Variants in PCDHA4 observed in about 807,000 individuals in gnomAD.
The protein encoded by PCDHA4 is protocadherin alpha 4, also known as protocadherin alpha-4.
A neutral mutation model predicts 61.4 loss-of-function variants in PCDHA4; 49 were observed. That is an observed-to-expected ratio of 0.80 (90% CI 0.63 to 1.01). The LOEUF (loss-of-function observed/expected upper bound fraction) is 1.01. Ranked by LOEUF, PCDHA4 falls within the 50% of genes least tolerant of loss-of-function variation. The pLI, the probability that PCDHA4 is intolerant of heterozygous loss-of-function variation, is 0.00. For synonymous variants in PCDHA4, 590 were observed against 550.3 expected, an observed-to-expected ratio of 1.07 and a Z score of -1.01; for missense variants, 1,254 against 1,235.8, an observed-to-expected ratio of 1.01 and a Z score of -0.22.
intron 3 of PCDHA4, among the ~76,000 whole-genome samples, chr5:141,005,814 A>T (rs947359019): frequency 6.7e-6 from 1 of 149,766 alleles, no homozygotes; most frequent in Non-Finnish European, 1.5e-5. Flanking sequence ...GGAGCCAGGT[A>T]TGGTGGCCTG....
rs377133743 is a variant in PCDHA4 at position 140,875,740 on chromosome 5, A to C, written c.2385+66168A>C. The C allele has an allele frequency of 2.1e-4, 339 of 1,614,222 alleles. No individual in the cohort carries two copies. The African/African-American group carries it at 4.0e-3, about 19-fold the overall frequency. On this transcript the variant is annotated intron_variant, in intron 1 of 3. Coordinates refer to ENST00000530339, the MANE Select transcript of PCDHA4 (RefSeq NM_018907.4). ...TGGCATTTTGTTTGTGAATTCTCGG[A>C]TCGACCGCGAGAAGCTGTGCGGGCG...
At chr5:140,848,448 T>C (rs2150410519) in intron 1 of PCDHA4, 3 of 1,511,550 alleles carry the variant, frequency 2.0e-6, no homozygotes, top group African/African-American at 1.4e-5. Flanking sequence ...TGATTTCTTC[T>C]AATTTGGAGG....
intron 1 of PCDHA4, chr5:140,857,488 C>A (rs782255025): frequency 6.3e-7 from 1 of 1,598,442 alleles, no homozygotes; most frequent in South Asian, 1.1e-5. Context: ...CTGCGTGGGA[C>A]GCGGACGCGC....
At position 140,834,723 on chromosome 5, in the gene PCDHA4, C is replaced by A. The variant is rs1187806383; in HGVS notation, c.2385+25151C>A. The A allele has an allele frequency of 3.1e-6, 5 of 1,614,158 alleles. No homozygotes were observed. The African/African-American group carries it at 6.7e-5, about 22-fold the overall frequency. On this transcript the variant is annotated intron_variant, in intron 1 of 3. Transcript: ENST00000530339. Reference sequence around the variant, plus strand: ...CCTGGAGGTGATCGTGGAAAGGCCGCTGCAGGTTTTCCATGTGGACGTGGA... The same window carrying A: ...CCTGGAGGTGATCGTGGAAAGGCCGATGCAGGTTTTCCATGTGGACGTGGA...
chr5:140,823,891 G>T, intron 1 of PCDHA4: 5 of 1,613,962 alleles, frequency 3.1e-6, no homozygotes, highest in Non-Finnish European at 4.2e-6. Context: ...CATCTGTGCG[G>T]TGTCCAGCCT....
intron 1 of PCDHA4, chr5:140,871,553 G>T (rs1390415919): frequency 6.7e-7 from 1 of 1,491,208 alleles, no homozygotes; most frequent in East Asian, 2.5e-5. Context: ...TTAAAATCCA[G>T]TTTTTTTTCA....
intron 1 of PCDHA4, chr5:140,968,562 C>G: frequency 6.2e-7 from 1 of 1,614,208 alleles, no homozygotes; most frequent in South Asian, 1.1e-5. Flanking sequence ...CGAACTGCCC[C>G]TGCTGGCTAC....
intron 1 of PCDHA4, among the ~76,000 whole-genome samples, chr5:140,937,158 C>T (rs969335051): frequency 2.6e-5 from 4 of 151,874 alleles, no homozygotes; most frequent in Non-Finnish European, 4.4e-5. Context: ...CTGCCTCAGC[C>T]TCCCGAGTAG....
intron 1 of PCDHA4, chr5:140,843,568 A>G: frequency 6.3e-7 from 1 of 1,595,946 alleles, no homozygotes; most frequent in Non-Finnish European, 8.6e-7. Context: ...GGAGCTGGTC[A>G]TACTCGCAAC....
chr5:140,825,871 A>G (rs2150141676), intron 1 of PCDHA4: 9 of 152,470 alleles, frequency 5.9e-5, no homozygotes, highest in African/African-American at 2.2e-4. Flanking sequence ...TGAGTTGTTT[A>G]CAAAGAGTTG....
Position 140,838,414 on chromosome 5 carries a change from G to A in PCDHA4, c.2385+28842G>A, listed in dbSNP as rs2150289048. 3.3e-5 allele frequency among the ~76,000 whole-genome samples: 5 copies of A among 151,096 alleles called. No homozygotes were observed. The South Asian group carries it at 6.3e-4, about 19-fold the overall frequency. On this transcript the variant is annotated intron_variant, in intron 1 of 3. Coordinates refer to ENST00000530339, the MANE Select transcript of PCDHA4 (RefSeq NM_018907.4). ...GCTGGGATTACAGGAGTGAGCCACC[G>A]CATCCGGCCTAAATTATATATTGGG...
chr5:140,842,261 A>G (rs2150332955), intron 1 of PCDHA4: 25 of 1,610,966 alleles, frequency 1.6e-5, no homozygotes, highest in Non-Finnish European at 2.1e-5. Flanking sequence ...TGAACAAGAA[A>G]ACTTATACAA....
At chr5:140,813,683 A>G (rs1231151598) in intron 1 of PCDHA4, 1 of 152,322 alleles carries the variant, frequency 6.6e-6, no homozygotes, top group South Asian at 2.1e-4. Context: ...TTTAGGCTAC[A>G]CTCAATTTAT....
chr5:140,850,309 C>T lies in PCDHA4; in HGVS notation c.2385+40737C>T, dbSNP rs2150478880. The stretch of plus-strand genomic sequence containing the variant: ...GTGGACGCCGACTCGGGCTACAACG[C>T]GTGGCTTTCATACGAGCTGCAGCCA... On this transcript the variant is annotated intron_variant, in intron 1 of 3. Coordinates refer to ENST00000530339, the MANE Select transcript of PCDHA4 (RefSeq NM_018907.4). 1.7e-5 allele frequency: 27 copies of T among 1,597,088 alleles called. 3 individuals carry two copies. Among genetic ancestry groups the T allele is most frequent in the Non-Finnish European group, 2.3e-5 (27 of 1,167,652 alleles).
At chr5:140,913,503 T>G (rs1334607884) in intron 1 of PCDHA4, among the ~76,000 whole-genome samples, 6 of 152,182 alleles carry the variant, frequency 3.9e-5, no homozygotes, top group African/African-American at 1.4e-4. Context: ...GTTTAAAACT[T>G]TGTCAATTTT....
chr5:140,834,137 A>G, intron 1 of PCDHA4: 1 of 496,492 alleles, frequency 2.0e-6, no homozygotes. Context: ...TCATCTGATT[A>G]ATAGTTTGTA....
At chr5:140,876,209 G>A in intron 1 of PCDHA4, 1 of 1,613,924 alleles carries the variant, frequency 6.2e-7, no homozygotes. Flanking sequence ...GATAAGCCCA[G>A]CTATAAAGTA....
chr5:140,969,642 A>G (rs2096350693), intron 1 of PCDHA4: 1 of 206,874 alleles, frequency 4.8e-6, no homozygotes, highest in African/African-American at 2.4e-5. Context: ...GCCTTGGAAT[A>G]GGGATTATGT....
chr5:140,869,082 T>C (rs1554162459), intron 1 of PCDHA4: 1 of 1,582,446 alleles, frequency 6.3e-7, no homozygotes, highest in East Asian at 2.2e-5. Flanking sequence ...GAAGCTTATT[T>C]TGGAAGCCAA....
Sources: allele counts gnomAD v4.1 joint callset (sites outside exome capture counted in the v4.1 genomes callset), GRCh38; gene constraint gnomAD v4.1.1; transcripts MANE v1.5; gene names NCBI Gene and HGNC (gene_info 2026-07-23, HGNC 2026-07-21).